Variants in MCCC1 observed in about 807,000 individuals in gnomAD.
MCCC1 encodes methylcrotonoyl-CoA carboxylase subunit alpha, mitochondrial.
MCCC1 carries 64 observed loss-of-function variants against 83.8 expected under a neutral mutation model. The ratio of observed to expected loss-of-function variants is 0.76; its 90% CI spans 0.62 to 0.94. The LOEUF (loss-of-function observed/expected upper bound fraction) is 0.94, where lower values mean the gene tolerates loss of function less well. Ranked by LOEUF, MCCC1 falls within the 40% of genes least tolerant of loss-of-function variation. The pLI is 0.00. For missense variants in MCCC1, 807 were observed against 904.7 expected, an observed-to-expected ratio of 0.89 and a Z score of 1.39; for synonymous variants, 322 against 315.4, an observed-to-expected ratio of 1.02 and a Z score of -0.22.
At chr3:183,063,807 T>G (rs1716030276) in intron 7 of MCCC1, among the ~76,000 whole-genome samples, 1 of 152,128 alleles carries the variant, frequency 6.6e-6, no homozygotes, top group Non-Finnish European at 1.5e-5. Context: ...GTCTTTCTGA[T>G]GAACTACGGA....
chr3:183,026,494 G>T (rs975421318), intron 14 of MCCC1, among the ~76,000 whole-genome samples: 1 of 152,026 alleles, frequency 6.6e-6, no homozygotes, highest in Non-Finnish European at 1.5e-5. Flanking sequence ...TGGGGATCAC[G>T]AAGTCAGGAG....
intron 1 of MCCC1, among the ~76,000 whole-genome samples, chr3:183,108,659 G>A (rs1399363549): frequency 2.0e-5 from 3 of 152,224 alleles, no homozygotes; most frequent in Non-Finnish European, 4.4e-5. Flanking sequence ...GGAAGTGGAA[G>A]TGGAGGTACA....
chr3:183,099,584 A>C, upstream of MCCC1: 2 of 923,608 alleles, frequency 2.2e-6, no homozygotes, highest in Non-Finnish European at 3.3e-6. Flanking sequence ...TGATCCAAGA[A>C]TGTGAGGGCG....
intron 7 of MCCC1, among the ~76,000 whole-genome samples, chr3:183,066,555 A>C (rs1460631862): frequency 6.6e-6 from 1 of 152,204 alleles, no homozygotes; most frequent in Non-Finnish European, 1.5e-5. Flanking sequence ...CACTTGCATC[A>C]GTCTCCCAAA....
intron 15 of MCCC1, among the ~76,000 whole-genome samples, chr3:183,023,309 A>G (rs1350065082): frequency 6.6e-6 from 1 of 152,238 alleles, no homozygotes; most frequent in African/African-American, 2.4e-5. Flanking sequence ...ACTAAGGTGA[A>G]ATAGGTCACA....
intron 15 of MCCC1, among the ~76,000 whole-genome samples, chr3:183,022,961 C>T (rs933027053): frequency 6.6e-6 from 1 of 151,834 alleles, no homozygotes; most frequent in Non-Finnish European, 1.5e-5. Context: ...ATTTAGTTTT[C>T]CTGTGCCAAA....
intron 8 of MCCC1, among the ~76,000 whole-genome samples, chr3:183,052,731 C>A (rs902155836): frequency 9.5e-5 from 14 of 147,630 alleles, no homozygotes; most frequent in Non-Finnish European, 1.6e-4. Context: ...AATGGCGTGA[C>A]CCTGGGAGGC....
chr3:183,050,425 G>A (rs1437060578), intron 9 of MCCC1, among the ~76,000 whole-genome samples: 19 of 151,082 alleles, frequency 1.3e-4, no homozygotes, highest in African/African-American at 4.4e-4. Context: ...AAAGTCGGCC[G>A]GGCGCGGTGG....
At chr3:183,044,927 G>A (rs147076058) in intron 10 of MCCC1, among the ~76,000 whole-genome samples, 2,077 of 152,014 alleles carry the variant, frequency 0.014, 25 homozygotes, top group Non-Finnish European at 0.022. Context: ...TGTTGTTGTC[G>A]TTGTTGTTGA....
At chr3:183,025,693 T>C (rs191118490) in intron 15 of MCCC1, 62 bp downstream of exon 15, 7 of 1,358,530 alleles carry the variant, frequency 5.2e-6, no homozygotes, top group Non-Finnish European at 7.4e-6. Flanking sequence ...TGAAAGACCC[T>C]ATTCAGTATA....
At chr3:183,110,807 A>AT (rs1719479695) in intron 1 of MCCC1, among the ~76,000 whole-genome samples, 1 of 152,152 alleles carries the variant, frequency 6.6e-6, no homozygotes, top group Admixed American at 6.6e-5. Flanking sequence ...TCTTGGGTTA[A>AT]TTTTTGTGTA....
chr3:183,051,522 A>G (rs6806512), intron 9 of MCCC1, among the ~76,000 whole-genome samples: 136,820 of 152,088 alleles, frequency 0.9, 61,843 homozygotes, highest in East Asian at 1. Context: ...GGGGGATGAA[A>G]GGATGAATAG....
At chr3:183,025,157 G>C (rs546199369) in intron 15 of MCCC1, among the ~76,000 whole-genome samples, 40 of 152,242 alleles carry the variant, frequency 2.6e-4, no homozygotes, top group Non-Finnish European at 4.1e-4. Flanking sequence ...AGAAGGAACG[G>C]AGTGTTAACT....
intron 4 of MCCC1, 141 bp downstream of exon 4, chr3:183,086,552 T>C: frequency 1.3e-6 from 1 of 753,288 alleles, no homozygotes; most frequent in Non-Finnish European, 2.3e-6. Flanking sequence ...AGATGGGACA[T>C]GCCTAGTTTA....
chr3:183,059,255 G>A (rs1282277566), intron 7 of MCCC1, among the ~76,000 whole-genome samples: 1 of 152,186 alleles, frequency 6.6e-6, no homozygotes, highest in East Asian at 1.9e-4. Flanking sequence ...GCTGCAGTGG[G>A]CCGAGATCGT....
intron 8 of MCCC1, among the ~76,000 whole-genome samples, chr3:183,056,979 G>A (rs527621160): frequency 2.0e-5 from 3 of 152,326 alleles, no homozygotes; most frequent in Admixed American, 2.0e-4. Context: ...ACAGGCGTGA[G>A]CCACCGCGCC....
At chr3:183,088,245 C>T (rs147460000) in intron 3 of MCCC1, among the ~76,000 whole-genome samples, 210 of 147,100 alleles carry the variant, frequency 1.4e-3, no homozygotes, top group African/African-American at 4.8e-3. Context: ...CTTGCTCTGT[C>T]GCCCAGGCTG....
At position 183,041,699 on chromosome 3, in the gene MCCC1, C is replaced by T. The variant is rs887877405; in HGVS notation, c.1135G>A (p.Gly379Ser). Residue 379 changes from glycine to serine, a missense_variant, in exon 11 of 19, where the codon GGC (glycine) becomes AGC (serine). Transcript: ENST00000265594. The part of the protein sequence containing the change: ...PLSQEEITLQ[G>S]HAFEARIYAE... ...TATATTCTAGCTTCGAAGGCATGGC[C>T]CTGCAGAGTTATTTCTTCCTGGCTC... 1 of 1,614,122 alleles carries T rather than the reference C, an allele frequency of 6.2e-7. No individual in the cohort carries two copies. Among genetic ancestry groups the T allele is most frequent in the Non-Finnish European group, 8.5e-7 (1 of 1,180,036 alleles).
chr3:183,106,196 A>T (rs1719400927), intron 1 of MCCC1, among the ~76,000 whole-genome samples: 1 of 152,046 alleles, frequency 6.6e-6, no homozygotes, highest in Non-Finnish European at 1.5e-5. Context: ...GGAACCCTGG[A>T]CTGGCATCAC....
Sources: gnomAD v4.1 joint callset for allele counts (sites outside exome capture counted in the v4.1 genomes callset) on GRCh38, gnomAD v4.1.1 for gene constraint, MANE v1.5 for transcripts, NCBI Gene and HGNC (gene_info 2026-07-23, HGNC 2026-07-21) for gene names.